FRAS1: variants seen among roughly 807,000 people sequenced by gnomAD.
The protein encoded by FRAS1 is extracellular matrix organizing protein FRAS1.
FRAS1 carries 290 observed loss-of-function variants against 435.2 expected under a neutral mutation model. The ratio of observed to expected loss-of-function variants is 0.67; its 90% CI spans 0.61 to 0.73. The LOEUF (loss-of-function observed/expected upper bound fraction) is 0.73, where lower values mean the gene tolerates loss of function less well. Ranked by LOEUF, FRAS1 falls within the 30% of genes least tolerant of loss-of-function variation. FRAS1 has a pLI of 0.00. For missense variants in FRAS1, 4,860 were observed against 5,001.5 expected, an observed-to-expected ratio of 0.97 and a Z score of 0.85; for synonymous variants, 1,800 against 1,851.0, an observed-to-expected ratio of 0.97 and a Z score of 0.71.
Position 78,384,153 on chromosome 4 carries a change from A to G in FRAS1, c.3648+10A>G. On this transcript the variant is annotated intron_variant, in intron 28 of 73. Transcript: ENST00000512123. ...AGCATTTTCAACACAGGTAATAAAA[A>G]TGGCCACGTAATTAATAATTTTACA... 1 of 1,555,690 alleles carries G rather than the reference A, an allele frequency of 6.4e-7. No individual in the cohort carries two copies. The highest frequency in any genetic ancestry group is 8.7e-7 in the Non-Finnish European group (1 of 1,148,086).
At chr4:78,315,477 C>A in intron 15 of FRAS1, 117 bp from the exon 16 acceptor site, 1 of 1,085,376 alleles carries the variant, frequency 9.2e-7, no homozygotes, top group South Asian at 1.9e-5. Context: ...TTTTGCTGAG[C>A]AGCCAGAAAA....
rs75905189 is a variant in FRAS1 at position 78,482,129 on chromosome 4, T to C, written c.8604+165T>C. ...AAGAGAGTTAACTTAGGAGGGGATC[T>C]TCTAAAAACTCTCCTAGTGACATTT... On this transcript the variant is annotated intron_variant, in intron 57 of 73. Transcript: ENST00000512123. Among the ~76,000 whole-genome samples, 634 of 152,310 alleles carry C rather than the reference T, an allele frequency of 4.2e-3. 6 individuals are homozygous for C. Among genetic ancestry groups the C allele is most frequent in the African/African-American group, 0.014 (599 of 41,568 alleles).
intron 63 of FRAS1, among the ~76,000 whole-genome samples, chr4:78,510,172 G>C (rs13111617): frequency 0.47 from 71,410 of 152,032 alleles, 16,930 homozygotes; most frequent in South Asian, 0.58. Context: ...ATCTATTTCT[G>C]TCTTCAACAA....
chr4:78,510,732 G>GT lies in FRAS1; in HGVS notation c.9781-541dup, dbSNP rs375950731. 3.0e-3 allele frequency among the ~76,000 whole-genome samples: 457 copies of GT among 152,342 alleles called. 2 individuals are homozygous for GT. The highest frequency in any genetic ancestry group is 0.011 in the African/African-American group (438 of 41,576). ...GAAAGACCTTCAAAGACTAGAAGGT[G>GT]TCAGAGGCCAAGTTCTCAGCTTCAA... On this transcript the variant is annotated intron_variant, in intron 63 of 73. Transcript: ENST00000512123.
At chr4:78,077,200 A>G (rs912943703) in intron 2 of FRAS1, among the ~76,000 whole-genome samples, 2 of 20,678 alleles carry the variant, frequency 9.7e-5, no homozygotes, top group Admixed American at 9.0e-4. Context: ...ACACAGAAAC[A>G]CACACACACA....
chr4:78,175,917 C>G (rs1009590873), intron 2 of FRAS1, among the ~76,000 whole-genome samples: 5 of 152,126 alleles, frequency 3.3e-5, no homozygotes, highest in African/African-American at 1.2e-4. Flanking sequence ...CACAAGGGCT[C>G]TCAAGCATGT....
chr4:78,325,897 G>A (rs893608134), intron 18 of FRAS1, among the ~76,000 whole-genome samples: 9 of 152,186 alleles, frequency 5.9e-5, no homozygotes, highest in African/African-American at 2.2e-4. Flanking sequence ...AGGTGAGAAA[G>A]GGCATTCTAG....
intron 20 of FRAS1, among the ~76,000 whole-genome samples, chr4:78,357,759 C>G (rs13114164): frequency 6.6e-6 from 1 of 151,922 alleles, no homozygotes; most frequent in East Asian, 1.9e-4. Context: ...AAGAATTAGG[C>G]GGACCCGGTG....
chr4:78,157,290 A>C (rs893714228), intron 2 of FRAS1, among the ~76,000 whole-genome samples: 2 of 152,202 alleles, frequency 1.3e-5, no homozygotes, highest in Non-Finnish European at 2.9e-5. Context: ...GAACATGTAC[A>C]TGCATATGTC....
intron 18 of FRAS1, among the ~76,000 whole-genome samples, chr4:78,332,691 A>G (rs1387090637): frequency 1.1e-4 from 17 of 147,918 alleles, no homozygotes; most frequent in Admixed American, 6.2e-4. Flanking sequence ...CTATGCTGTG[A>G]TGCTCTTATT....
At chr4:78,275,692 T>C (rs1475274297) in intron 9 of FRAS1, among the ~76,000 whole-genome samples, 1 of 152,242 alleles carries the variant, frequency 6.6e-6, no homozygotes, top group African/African-American at 2.4e-5. Context: ...CAGCTGTTAG[T>C]CTGATGGGCT....
At chr4:78,437,504 T>C (rs916962809) in intron 38 of FRAS1, among the ~76,000 whole-genome samples, 3 of 152,328 alleles carry the variant, frequency 2.0e-5, no homozygotes, top group Non-Finnish European at 2.9e-5. Context: ...TCAAGTGATA[T>C]GAGGAAATAT....
At chr4:78,181,797 G>C (rs539678665) in intron 2 of FRAS1, 109 of 1,611,958 alleles carry the variant, frequency 6.8e-5, no homozygotes, top group Non-Finnish European at 8.7e-5. Context: ...CCAACGCTGC[G>C]GGGCAGCGGG....
chr4:78,391,930 G>A (rs1351713683), intron 29 of FRAS1, among the ~76,000 whole-genome samples: 1 of 152,154 alleles, frequency 6.6e-6, no homozygotes, highest in African/African-American at 2.4e-5. Context: ...TATTTCTTAT[G>A]AGTAAGAGCC....
chr4:78,155,634 G>A (rs550053118), intron 2 of FRAS1, among the ~76,000 whole-genome samples: 1 of 152,326 alleles, frequency 6.6e-6, no homozygotes, highest in African/African-American at 2.4e-5. Context: ...CCTGCGAGGA[G>A]CAGGCAGTAA....
chr4:78,402,651 A>G (rs577342332), intron 30 of FRAS1, among the ~76,000 whole-genome samples: 1 of 152,298 alleles, frequency 6.6e-6, no homozygotes, highest in Admixed American at 6.5e-5. Flanking sequence ...GGAAATTAAC[A>G]CTGATATGAT....
At chr4:78,170,841 A>C (rs930002664) in intron 2 of FRAS1, among the ~76,000 whole-genome samples, 1 of 151,988 alleles carries the variant, frequency 6.6e-6, no homozygotes, top group African/African-American at 2.4e-5. Context: ...CCACAGTCAC[A>C]CTGCATCCTC....
intron 6 of FRAS1, among the ~76,000 whole-genome samples, chr4:78,260,009 G>C (rs1726001685): frequency 6.6e-6 from 1 of 152,098 alleles, no homozygotes; most frequent in Non-Finnish European, 1.5e-5. Context: ...TCAAAGATCA[G>C]ATAGTTGTAG....
At chr4:78,315,369 T>C (rs1729196217) in intron 15 of FRAS1, among the ~76,000 whole-genome samples, 1 of 152,210 alleles carries the variant, frequency 6.6e-6, no homozygotes, top group African/African-American at 2.4e-5. Context: ...TGAGAGTTTT[T>C]GCTATGCTTA....
Sources: allele counts gnomAD v4.1 joint callset (sites outside exome capture counted in the v4.1 genomes callset), GRCh38; gene constraint gnomAD v4.1.1; transcripts MANE v1.5; gene names NCBI Gene and HGNC (gene_info 2026-07-23, HGNC 2026-07-21).